The following RAB11B variants were observed in gnomAD, a reference collection of about 807,000 sequenced individuals.
RAB11B encodes ras-related protein Rab-11B.
In RAB11B, 7 loss-of-function variants were observed where a neutral mutation model predicts 23.7. The ratio of observed to expected loss-of-function variants is 0.29; its 90% CI spans 0.17 to 0.55. The LOEUF (loss-of-function observed/expected upper bound fraction) is 0.55, where lower values mean the gene tolerates loss of function less well. Ranked by LOEUF, RAB11B falls within the 20% of genes least tolerant of loss-of-function variation. The probability of loss-of-function intolerance (pLI) is 0.93; values close to 1 mark genes in which losing one functional copy is unlikely to be tolerated. For missense variants in RAB11B, 189 were observed against 320.0 expected, an observed-to-expected ratio of 0.59 and a Z score of 3.12; for synonymous variants, 138 against 132.0, an observed-to-expected ratio of 1.05 and a Z score of -0.31.
intron 1 of RAB11B, among the ~76,000 whole-genome samples, chr19:8,395,113 G>A (rs1971386387): frequency 6.6e-6 from 1 of 152,148 alleles, no homozygotes; most frequent in Non-Finnish European, 1.5e-5. Context: ...TCCCGTAGCT[G>A]CCGTGGAAAG....
At position 8,403,850 on chromosome 19, in the gene RAB11B, G is replaced by C; in HGVS notation, c.*292G>C. On this transcript the variant is annotated 3_prime_UTR_variant, in exon 5 of 5. Coordinates refer to ENST00000328024, the MANE Select transcript of RAB11B (RefSeq NM_004218.4). ...GGGCTGGCCAGAGGCGAGGAGGACGGGCGGACGGCGCCGCCTTCTCCCCTT... is the reference window on the plus strand; with the variant it reads ...GGGCTGGCCAGAGGCGAGGAGGACGCGCGGACGGCGCCGCCTTCTCCCCTT... 1 of 364,780 alleles carries C rather than the reference G, an allele frequency of 2.7e-6. No homozygotes were observed. The highest frequency in any genetic ancestry group is 5.0e-6 in the Non-Finnish European group (1 of 201,972). The allele number at this position is 364,780 out of a possible 1,614,324, so 22.6% of individuals were successfully genotyped here. A position where few individuals can be genotyped will look rare whatever the true frequency, so the allele number is the denominator to read the frequency against.
Position 8,391,362 on chromosome 19 carries a change from C to T in RAB11B, c.40+906C>T, listed in dbSNP as rs566828331. Among the ~76,000 whole-genome samples, 3 of 152,318 alleles carry T rather than the reference C, an allele frequency of 2.0e-5. No homozygotes were observed. The South Asian group carries it at 6.2e-4, about 32-fold the overall frequency. ...GCATCTGGGACTTTGGGTTGTTGGA[C>T]CAACTTCTTCCAACACGTGCGCACT... On this transcript the variant is annotated intron_variant, in intron 1 of 4. Coordinates refer to ENST00000328024, the MANE Select transcript of RAB11B (RefSeq NM_004218.4).
chr19:8,401,544 G>A (rs1443015519), intron 2 of RAB11B, among the ~76,000 whole-genome samples: 6 of 150,546 alleles, frequency 4.0e-5, no homozygotes, highest in African/African-American at 7.4e-5. Context: ...CTGCCACCAC[G>A]CCTGGCTAAT....
intron 2 of RAB11B, 135 bp from the exon 3 acceptor site, chr19:8,401,951 C>T: frequency 1.2e-6 from 1 of 859,736 alleles, no homozygotes. Flanking sequence ...ACACCCTTCC[C>T]TTGAGGCCAC....
chr19:8,393,932 A>C (rs1303017382), intron 1 of RAB11B, among the ~76,000 whole-genome samples: 2 of 152,214 alleles, frequency 1.3e-5, no homozygotes, highest in African/African-American at 4.8e-5. Context: ...TCTGTCAGCC[A>C]AGTGGCGTGT....
rs1355161342 is a variant in RAB11B, at chr19:8,403,533, A to G, written c.632A>G (p.Lys211Arg). 1 of 1,613,718 alleles carries G rather than the reference A, an allele frequency of 6.2e-7. No individual in the cohort carries two copies. Among genetic ancestry groups the G allele is most frequent in the South Asian group, 1.1e-5 (1 of 91,034 alleles). Residue 211 changes from lysine to arginine, a missense_variant, in exon 5 of 5, where the codon AAG becomes AGG. Coordinates refer to ENST00000328024, the MANE Select transcript of RAB11B (RefSeq NM_004218.4). The part of the protein sequence containing the change: ...PPTTDGQKPN[K>R]LQCCQNL ...ACCACGGACGGACAGAAGCCCAACA[A>G]GCTGCAGTGCTGCCAGAACCTGTGA... is the stretch of plus-strand genomic sequence containing the variant.
chr19:8,395,130 A>G (rs934932705), intron 1 of RAB11B, among the ~76,000 whole-genome samples: 1 of 152,140 alleles, frequency 6.6e-6, no homozygotes, highest in African/African-American at 2.4e-5. Context: ...AAAGGAGGTT[A>G]AGGTTGGTGG....
In RAB11B at chr19:8,392,685, CT is replaced by C. The variant is rs74176644; in HGVS notation, c.40+2251del. Among the ~76,000 whole-genome samples the C allele has an allele frequency of 1.1e-3, 86 of 79,662 alleles. No individual in the cohort carries two copies. In the South Asian group the frequency reaches 0.017, roughly 16 times the overall value. 52.3% of individuals were successfully genotyped at this position (79,662 alleles called of 152,430 possible). ...ATATTTTTCTTTTCCTTTTTCTTTT[CT>C]TTTTTTTTTTTTTTTTTTTTTGAGA... On this transcript the variant is annotated intron_variant, in intron 1 of 4. Transcript: ENST00000328024.
rs551945607 is a variant in RAB11B, at chr19:8,402,718, G to A, written c.511+153G>A. ...TTGCTCTTTGCCCAGGCTGGAGTGT[G>A]GTGGCTCGATCTCAGCTTACTGCAA... On this transcript the variant is annotated intron_variant, in intron 4 of 4. Transcript: ENST00000328024. 77 of 638,410 alleles carry A rather than the reference G, an allele frequency of 1.2e-4. 1 individual carries two copies. The East Asian group carries it at 1.8e-3, about 15-fold the overall frequency. 39.5% of individuals were successfully genotyped at this position (638,410 alleles called of 1,614,324 possible).
At chr19:8,390,592 G>T (rs1599683150) in intron 1 of RAB11B, 136 bp downstream of exon 1, 1 of 950,844 alleles carries the variant, frequency 1.1e-6, no homozygotes, top group Non-Finnish European at 1.4e-6. Flanking sequence ...CAGCCGGGAA[G>T]GCCGGAGCCG....
Position 8,403,663 on chromosome 19 carries a change from C to T in RAB11B, c.*105C>T. 1 of 1,472,296 alleles carries T rather than the reference C, an allele frequency of 6.8e-7. No homozygotes were observed. Among genetic ancestry groups the T allele is most frequent in the Non-Finnish European group, 9.1e-7 (1 of 1,095,294 alleles). The allele number at this position is 1,472,296 out of a possible 1,614,324, so 91.2% of individuals were successfully genotyped here. On this transcript the variant is annotated 3_prime_UTR_variant, in exon 5 of 5. Coordinates refer to ENST00000328024, the MANE Select transcript of RAB11B (RefSeq NM_004218.4). ...CCTCTGTGGCCGGCTCGTTCCAGCCCTCCCAGTGAGCTCTGCACGGCCGGG... is the reference window on the plus strand; with the variant it reads ...CCTCTGTGGCCGGCTCGTTCCAGCCTTCCCAGTGAGCTCTGCACGGCCGGG...
intron 1 of RAB11B, among the ~76,000 whole-genome samples, chr19:8,398,953 ATTATTAT>A (rs1228073795): frequency 1.6e-5 from 2 of 122,898 alleles, no homozygotes; most frequent in African/African-American, 3.0e-5. Flanking sequence ...AATTATTATT[ATTATTAT>A]TTTTTTTTTT....
intron 2 of RAB11B, among the ~76,000 whole-genome samples, chr19:8,401,433 C>A (rs929864440): frequency 2.6e-5 from 4 of 151,044 alleles, no homozygotes; most frequent in African/African-American, 9.8e-5. Flanking sequence ...GACTGAAGTG[C>A]AGTGTCACAA....
chr19:8,390,776 A>G (rs1568226349), intron 1 of RAB11B: 1 of 280,354 alleles, frequency 3.6e-6, no homozygotes, highest in South Asian at 1.5e-4. Flanking sequence ...GAGCTTTCCC[A>G]AGATTTGGCG....
chr19:8,396,786 G>A lies in RAB11B; in HGVS notation c.41-3077G>A, dbSNP rs528808797. Among the ~76,000 whole-genome samples the A allele has an allele frequency of 3.3e-3, 505 of 152,086 alleles. 3 individuals carry two copies. Among genetic ancestry groups the A allele is most frequent in the Middle Eastern group, 0.024 (7 of 294 alleles). ...CTGTGGCTTTTCCCCTGCGGAAGGT[G>A]GGGGCCACGGAGGGTTGTCTGCAGA... On this transcript the variant is annotated intron_variant, in intron 1 of 4. Coordinates refer to ENST00000328024, the MANE Select transcript of RAB11B (RefSeq NM_004218.4). The surrounding 1 kb of genome is among the most constrained non-coding windows in gnomAD (Gnocchi z 5.0).
intron 1 of RAB11B, among the ~76,000 whole-genome samples, chr19:8,399,326 G>A (rs1267926798): frequency 1.3e-5 from 2 of 152,188 alleles, no homozygotes; most frequent in Non-Finnish European, 2.9e-5. Flanking sequence ...GACCTCAAGT[G>A]ATCCGCCTGG....
At chr19:8,399,246 C>A (rs1383721683) in intron 1 of RAB11B, among the ~76,000 whole-genome samples, 2 of 152,136 alleles carry the variant, frequency 1.3e-5, no homozygotes, top group African/African-American at 2.4e-5. Flanking sequence ...AGCCACCGCG[C>A]CCGGGTACTT....
chr19:8,399,344 T>C (rs1971420508), intron 1 of RAB11B, among the ~76,000 whole-genome samples: 1 of 152,212 alleles, frequency 6.6e-6, no homozygotes, highest in African/African-American at 2.4e-5. Flanking sequence ...TGGCTCATCC[T>C]CTCAAAGCAT....
chr19:8,390,593 G>A (rs1355014716), intron 1 of RAB11B, 137 bp downstream of exon 1: 2 of 951,826 alleles, frequency 2.1e-6, no homozygotes, highest in Non-Finnish European at 2.8e-6. Context: ...AGCCGGGAAG[G>A]CCGGAGCCGA....
Sources: gnomAD v4.1 joint callset for allele counts (sites outside exome capture counted in the v4.1 genomes callset) on GRCh38, gnomAD v4.1.1 for gene constraint, Gnocchi (gnomAD v3.1) non-coding constraint, MANE v1.5 for transcripts, NCBI Gene and HGNC (gene_info 2026-07-23, HGNC 2026-07-21) for gene names.